Variants in TAF8 observed in about 807,000 individuals in gnomAD.
TAF8 encodes TATA-box binding protein associated factor 8, also known as transcription initiation factor TFIID subunit 8.
Under a neutral mutation model 36.5 loss-of-function variants are expected in TAF8, and 47 were observed. The ratio of observed to expected loss-of-function variants is 1.29; its 90% CI spans 1.02 to 1.64. The LOEUF (loss-of-function observed/expected upper bound fraction) is 1.64, where lower values mean the gene tolerates loss of function less well. TAF8 is among the 40% of genes most tolerant of loss of function. The probability of loss-of-function intolerance (pLI) is 0.00; values close to 1 mark genes in which losing one functional copy is unlikely to be tolerated. For missense variants in TAF8, 420 were observed against 407.6 expected (o/e 1.03, Z -0.26); for synonymous variants, 175 against 159.5 (o/e 1.10, Z -0.73).
rs1223452076 is a variant in TAF8, at chr6:42,082,652, T to G, written c.*5107T>G. The G allele has an allele frequency of 6.6e-6, 1 of 152,246 alleles. No individual in the cohort carries two copies. Among genetic ancestry groups the G allele is most frequent in the Non-Finnish European group, 1.5e-5 (1 of 68,056 alleles). 9.4% of individuals were successfully genotyped at this position (152,246 alleles called of 1,614,324 possible). Reference sequence around the variant, plus strand: ...CCGCACCTGGCCGAGTATGGGACTTTTTGACGTTGGCTTTTTCAGTTCTGC... The same window carrying G: ...CCGCACCTGGCCGAGTATGGGACTTGTTGACGTTGGCTTTTTCAGTTCTGC... On this transcript the variant is annotated 3_prime_UTR_variant, in exon 9 of 9. Transcript: ENST00000372977.
At chr6:42,051,313 T>C (rs1366124890) in intron 1 of TAF8, 44 bp from the exon 2 acceptor site, 2 of 1,584,934 alleles carry the variant, frequency 1.3e-6, no homozygotes, top group Non-Finnish European at 1.7e-6. Flanking sequence ...ACTATGTGAT[T>C]GCATCCTTCT....
downstream of TAF8, chr6:42,087,252 A>G (rs143478215): frequency 1.2e-4 from 19 of 164,590 alleles, no homozygotes; most frequent in Non-Finnish European, 2.1e-4. Context: ...AGCCCTGCAC[A>G]GTGCCTCACC....
rs968814710 is a variant in TAF8 at position 42,066,373 on chromosome 6, G to A, written c.551G>A (p.Arg184His). ...VLREKAASQRRDVERALTRFM... is the reference protein window; with the variant it reads ...VLREKAASQRHDVERALTRFM... ...CGGGAGAAGGCTGCATCCCAGAGGC[G>A]CGATGTGGAGCGGGCACTTACCCGT... The change falls in exon 6 of 9, where the codon CGC becomes CAC. Residue 184 changes from arginine (R) to histidine (H), a missense_variant. Arg to His is a conservative substitution (Grantham distance 29). Coordinates refer to ENST00000372977, the MANE Select transcript of TAF8 (RefSeq NM_138572.3). 9 of 1,614,110 alleles carry A rather than the reference G, an allele frequency of 5.6e-6. No homozygotes were observed. Among genetic ancestry groups the A allele is most frequent in the South Asian group, 1.1e-5 (1 of 91,090 alleles).
chr6:42,058,417 T>C lies in TAF8; in HGVS notation c.489+904T>C, dbSNP rs533441527. On this transcript the variant is annotated intron_variant, in intron 5 of 8. Transcript: ENST00000372977. ...ATAAAAATTAGTAATGATAATGAAATGGAACTTATCACTCTGAGCTCTAGG... is the reference window on the plus strand; with the variant it reads ...ATAAAAATTAGTAATGATAATGAAACGGAACTTATCACTCTGAGCTCTAGG... 7.9e-5 allele frequency among the ~76,000 whole-genome samples: 12 copies of C among 152,236 alleles called. No homozygotes were observed. The East Asian group carries it at 1.7e-3, about 22-fold the overall frequency.
At chr6:42,059,241 G>A (rs1276812675) in intron 5 of TAF8, among the ~76,000 whole-genome samples, 3 of 152,068 alleles carry the variant, frequency 2.0e-5, no homozygotes, top group African/African-American at 4.8e-5. Flanking sequence ...AAATCAGCCG[G>A]GCATGGTGGC....
chr6:42,084,074 G>C (rs960924787), downstream of TAF8, among the ~76,000 whole-genome samples: 2 of 151,652 alleles, frequency 1.3e-5, no homozygotes, highest in Non-Finnish European at 2.9e-5. Context: ...CCAGCTACTC[G>C]GGAGGCTGAG....
At chr6:42,051,568 C>A in intron 2 of TAF8, 55 bp downstream of exon 2, 1 of 1,568,310 alleles carries the variant, frequency 6.4e-7, no homozygotes, top group South Asian at 1.1e-5. Context: ...AGTTCTGTGC[C>A]CTGCTTTGTG....
rs928204960 is a variant in TAF8, at chr6:42,066,387, G to A, written c.565G>A (p.Ala189Thr). 1.9e-6 allele frequency: 3 copies of A among 1,614,212 alleles called. No homozygotes were observed. Among genetic ancestry groups the A allele is most frequent in the Non-Finnish European group, 2.5e-6 (3 of 1,180,046 alleles). The stretch of plus-strand genomic sequence containing the variant: ...ATCCCAGAGGCGCGATGTGGAGCGG[G>A]CACTTACCCGTTTCATGGCCAAGAC... ...AASQRRDVER[A>T]LTRFMAKTGE... The change falls in exon 6 of 9, where the codon GCA becomes ACA. Residue 189 changes from alanine to threonine, a missense_variant. Transcript: ENST00000372977.
chr6:42,056,037 A>G (rs751341704), intron 4 of TAF8, 23 bp downstream of exon 4: 1 of 1,546,958 alleles, frequency 6.5e-7, no homozygotes, highest in Non-Finnish European at 8.9e-7. Context: ...GAACTGAGGT[A>G]CTTAGCAATT....
intron 2 of TAF8, among the ~76,000 whole-genome samples, chr6:42,051,968 C>A (rs1764808749): frequency 6.6e-6 from 1 of 152,166 alleles, no homozygotes; most frequent in African/African-American, 2.4e-5. Context: ...ACAACAACAA[C>A]AAAAACAGAA....
chr6:42,077,426 G>A, intron 8 of TAF8, 107 bp from the exon 9 acceptor site: 1 of 1,560,658 alleles, frequency 6.4e-7, no homozygotes, highest in Non-Finnish European at 8.7e-7. Flanking sequence ...GTGGTTGAGT[G>A]TCCTGCAGTC....
Position 42,079,943 on chromosome 6 carries a change from T to G in TAF8, c.*2398T>G. ...AGGCTCCATGTTCTTCTGGCCTCAC[T>G]GTACTGTGTAAGGAAAGAGCTGCTT... is the stretch of plus-strand genomic sequence containing the variant. On this transcript the variant is annotated 3_prime_UTR_variant, in exon 9 of 9. Transcript: ENST00000372977. The G allele has an allele frequency of 1.0e-6, 1 of 984,956 alleles. No individual in the cohort carries two copies. The highest frequency in any genetic ancestry group is 1.2e-6 in the Non-Finnish European group (1 of 829,900). The allele number at this position is 984,956 out of a possible 1,614,324, so 61.0% of individuals were successfully genotyped here.
At position 42,082,967 on chromosome 6, in the gene TAF8, T is replaced by C. The variant is rs143771071; in HGVS notation, c.*5422T>C. The C allele has an allele frequency of 1.6e-3, 242 of 152,290 alleles. 1 individual carries two copies. The highest frequency in any genetic ancestry group is 5.7e-3 in the African/African-American group (235 of 41,554). 9.4% of individuals were successfully genotyped at this position (152,290 alleles called of 1,614,324 possible). A position where few individuals can be genotyped will look rare whatever the true frequency, so the allele number is the denominator to read the frequency against. On this transcript the variant is annotated 3_prime_UTR_variant, in exon 9 of 9. Transcript: ENST00000372977. ...GTGGCCTACCTCATCTCCATTTGAT[T>C]ACTAGCTTTTCTTTTTCTCCTTTGT...
At chr6:42,084,573 C>T (rs972133355), downstream of TAF8, among the ~76,000 whole-genome samples, 20 of 152,072 alleles carry the variant, frequency 1.3e-4, no homozygotes, top group Non-Finnish European at 2.1e-4. Flanking sequence ...AGCGATTCTC[C>T]TGCCTCAGCC....
chr6:42,055,295 A>G lies in TAF8; in HGVS notation c.203-236A>G, dbSNP rs1483331935. Among the ~76,000 whole-genome samples, 2 of 152,208 alleles carry G rather than the reference A, an allele frequency of 1.3e-5. 1 individual carries two copies. ...TTTCCTTCCTTTTAAAGGCTGAATA[A>G]TATTCCATTGTATGTATACAGCACA... On this transcript the variant is annotated intron_variant, in intron 2 of 8. Transcript: ENST00000372977.
downstream of TAF8, among the ~76,000 whole-genome samples, chr6:42,086,042 C>T (rs1766020230): frequency 6.6e-6 from 1 of 152,182 alleles, no homozygotes; most frequent in Non-Finnish European, 1.5e-5. Flanking sequence ...AGTGAGGAGA[C>T]ACTATCTGAG....
intron 7 of TAF8, among the ~76,000 whole-genome samples, chr6:42,073,947 G>A (rs1369651600): frequency 9.9e-5 from 15 of 152,142 alleles, no homozygotes; most frequent in Admixed American, 9.8e-4. Flanking sequence ...GAATTTTGAA[G>A]GTAAGTCCAA....
chr6:42,059,902 G>C (rs1010452580), intron 5 of TAF8, among the ~76,000 whole-genome samples: 1 of 152,148 alleles, frequency 6.6e-6, no homozygotes, highest in Non-Finnish European at 1.5e-5. Context: ...GTGAAGATGG[G>C]AAAAGGCTAT....
chr6:42,068,642 C>T (rs1185645924), intron 7 of TAF8, 35 bp downstream of exon 7: 2 of 1,606,502 alleles, frequency 1.2e-6, no homozygotes, highest in Non-Finnish European at 8.5e-7. Context: ...CAGAGTATCC[C>T]CCAAACTGTC....
Sources: allele counts gnomAD v4.1 joint callset (sites outside exome capture counted in the v4.1 genomes callset), GRCh38; gene constraint gnomAD v4.1.1; transcripts MANE v1.5; gene names NCBI Gene and HGNC (gene_info 2026-07-23, HGNC 2026-07-21).